The following THADA variants were observed in gnomAD, a reference collection of about 807,000 sequenced individuals.
THADA encodes THADA armadillo repeat containing.
A neutral mutation model predicts 219.8 loss-of-function variants in THADA; 213 were observed. The ratio of observed to expected loss-of-function variants is 0.97; its 90% CI spans 0.87 to 1.09. The LOEUF is 1.09. THADA is among the 50% of genes least tolerant of loss of function. The probability of loss-of-function intolerance (pLI) is 0.00; values close to 1 mark genes in which losing one functional copy is unlikely to be tolerated. For missense variants in THADA, 2,956 were observed against 2,311.3 expected (o/e 1.28, Z -5.72); for synonymous variants, 1,018 against 828.9 (o/e 1.23, Z -3.92).
At chr2:43,440,898 G>A (rs1573661210) in intron 26 of THADA, among the ~76,000 whole-genome samples, 1 of 152,100 alleles carries the variant, frequency 6.6e-6, no homozygotes, top group South Asian at 2.1e-4. Context: ...TCTTTTAATT[G>A]AATTAAGCTA....
At chr2:43,491,612 T>C (rs1687648004) in intron 25 of THADA, among the ~76,000 whole-genome samples, 1 of 152,182 alleles carries the variant, frequency 6.6e-6, no homozygotes, top group Admixed American at 6.6e-5. Flanking sequence ...ATACTCAGCA[T>C]GGTAGCATAC....
chr2:43,293,054 T>G lies in THADA; in HGVS notation c.4598A>C (p.Lys1533Thr). The stretch of plus-strand genomic sequence containing the variant: ...GACATTCGTCTCCCGCTCTCCACTC[T>G]TGGCTGCCGCGGCCCACACTGCAGC... ...AIAAVWAAAA[K>T]SGERETNVPI... Residue 1533 changes from lysine (K) to threonine (T), a missense_variant, in exon 32 of 38, where the codon AAG becomes ACG. Physicochemically the swap from Lys to Thr is moderately conservative, Grantham distance 78 (BLOSUM62 -1). Coordinates refer to ENST00000405975, the MANE Select transcript of THADA (RefSeq NM_022065.5). The G allele has an allele frequency of 1.2e-6, 2 of 1,613,950 alleles. No individual in the cohort carries two copies. The highest frequency in any genetic ancestry group is 1.7e-5 in the Admixed American group (1 of 60,014).
intron 29 of THADA, among the ~76,000 whole-genome samples, chr2:43,376,695 C>T (rs893643508): frequency 1.3e-5 from 2 of 152,128 alleles, no homozygotes; most frequent in South Asian, 4.1e-4. Flanking sequence ...GCTCTGGCAA[C>T]CTAGATACAT....
intron 36 of THADA, among the ~76,000 whole-genome samples, chr2:43,248,200 G>GAC (rs1572763197): frequency 3.1e-5 from 4 of 127,020 alleles, no homozygotes; most frequent in East Asian, 2.1e-4. Context: ...GAGAGAGAGA[G>GAC]AGAGAGAGAG....
At position 43,527,577 on chromosome 2, in the gene THADA, C is replaced by G. The variant is rs150005629; in HGVS notation, c.3374+302G>C. On this transcript the variant is annotated intron_variant, in intron 22 of 37. Transcript: ENST00000405975. ...AAACACCAAGTAATTTTCAAACAGACAAAACATTTATTTCATTCAATAAAA... is the reference window on the plus strand; with the variant it reads ...AAACACCAAGTAATTTTCAAACAGAGAAAACATTTATTTCATTCAATAAAA... 2.3e-3 allele frequency among the ~76,000 whole-genome samples: 340 copies of G among 150,704 alleles called. 2 individuals carry two copies. The highest frequency in any genetic ancestry group is 0.01 in the Middle Eastern group (3 of 294).
At chr2:43,412,070 C>A (rs1676373636) in intron 28 of THADA, among the ~76,000 whole-genome samples, 1 of 152,078 alleles carries the variant, frequency 6.6e-6, no homozygotes, top group Non-Finnish European at 1.5e-5. Flanking sequence ...TTTTGATGAT[C>A]AGATGATATT....
In THADA at chr2:43,546,707, G is replaced by C. The variant is rs60622982; in HGVS notation, c.3106+2503C>G. On this transcript the variant is annotated intron_variant, in intron 20 of 37. Coordinates refer to ENST00000405975, the MANE Select transcript of THADA (RefSeq NM_022065.5). ...AGGATTGCAACCCCTGCCTTTTTTT[G>C]GTTTCCATTTGCTTGGTAGATCTTC... Among the ~76,000 whole-genome samples the C allele has an allele frequency of 9.6e-3, 1,457 of 151,616 alleles. 26 individuals are homozygous for C. The highest frequency in any genetic ancestry group is 0.034 in the African/African-American group (1,392 of 41,296).
chr2:43,399,788 C>G (rs183563317), intron 28 of THADA, among the ~76,000 whole-genome samples: 1 of 152,050 alleles, frequency 6.6e-6, no homozygotes, highest in South Asian at 2.1e-4. Context: ...AATGTTTAAT[C>G]TGTAATTGGC....
At chr2:43,445,586 T>G (rs1473918540) in intron 26 of THADA, among the ~76,000 whole-genome samples, 2 of 152,260 alleles carry the variant, frequency 1.3e-5, no homozygotes, top group Non-Finnish European at 2.9e-5. Context: ...GCCTCTGTTT[T>G]GAGCACACTG....
chr2:43,290,945 C>A (rs935769921), intron 34 of THADA, among the ~76,000 whole-genome samples: 2 of 152,048 alleles, frequency 1.3e-5, no homozygotes, highest in South Asian at 4.2e-4. Context: ...CCAGAGCCAG[C>A]TGGGCCATGT....
chr2:43,507,274 T>C (rs911125054), intron 23 of THADA, among the ~76,000 whole-genome samples: 1 of 152,218 alleles, frequency 6.6e-6, no homozygotes, highest in African/African-American at 2.4e-5. Flanking sequence ...TATGGCATTC[T>C]TGCCAAGGCT....
At chr2:43,409,760 T>G (rs1676044803) in intron 28 of THADA, among the ~76,000 whole-genome samples, 1 of 152,004 alleles carries the variant, frequency 6.6e-6, no homozygotes, top group Admixed American at 6.6e-5. Context: ...TGGCTTACAC[T>G]TGTAATCCCA....
chr2:43,303,625 A>C (rs138640974), intron 31 of THADA, among the ~76,000 whole-genome samples: 16 of 152,070 alleles, frequency 1.1e-4, no homozygotes, highest in African/African-American at 3.6e-4. Context: ...TAGCTTTAAC[A>C]AGGGCATTCT....
rs1012520190 is a variant in THADA at position 43,293,303 on chromosome 2, T to A, written c.4439-90A>T. 5 of 1,427,690 alleles carry A rather than the reference T, an allele frequency of 3.5e-6. No homozygotes were observed. The African/African-American group carries it at 7.1e-5, about 20-fold the overall frequency. 88.4% of individuals were successfully genotyped at this position (1,427,690 alleles called of 1,614,324 possible). A position where few individuals can be genotyped will look rare whatever the true frequency, so the allele number is the denominator to read the frequency against. On this transcript the variant is annotated intron_variant, in intron 31 of 37. Transcript: ENST00000405975. ...AAGAATGAAGACTGAATCCACTGCG[T>A]GAGGCCATCAGATGTCTCCCATAAG... is the stretch of plus-strand genomic sequence containing the variant.
chr2:43,408,569 A>C (rs1348822502), intron 28 of THADA, among the ~76,000 whole-genome samples: 1 of 152,332 alleles, frequency 6.6e-6, no homozygotes, highest in East Asian at 1.9e-4. Flanking sequence ...AAGCACTTAC[A>C]TGGTTTCCTT....
intron 15 of THADA, chr2:43,564,750 G>A (rs554020545): frequency 2.4e-4 from 36 of 152,300 alleles, no homozygotes; most frequent in African/African-American, 7.9e-4. Flanking sequence ...CTAATAGGAT[G>A]CCCTGTGAAG....
chr2:43,347,296 T>G (rs1423526593), intron 29 of THADA, among the ~76,000 whole-genome samples: 1 of 152,198 alleles, frequency 6.6e-6, no homozygotes, highest in Non-Finnish European at 1.5e-5. Flanking sequence ...TATATACTAC[T>G]AGGCACGCAC....
At chr2:43,433,996 G>A (rs1424779067) in intron 26 of THADA, among the ~76,000 whole-genome samples, 1 of 152,128 alleles carries the variant, frequency 6.6e-6, no homozygotes, top group African/African-American at 2.4e-5. Flanking sequence ...GCCCTGAGAA[G>A]TAGATTTTAA....
chr2:43,549,458 T>C, intron 19 of THADA, 90 bp from the exon 20 acceptor site: 1 of 1,278,962 alleles, frequency 7.8e-7, no homozygotes, highest in Non-Finnish European at 1.1e-6. Context: ...AATCTATAAT[T>C]TTCAATACTT....
Sources: gnomAD v4.1 joint callset for allele counts (sites outside exome capture counted in the v4.1 genomes callset) on GRCh38, gnomAD v4.1.1 for gene constraint, MANE v1.5 for transcripts, NCBI Gene and HGNC (gene_info 2026-07-23, HGNC 2026-07-21) for gene names.